The following ANO10 variants were observed in gnomAD, a reference collection of about 807,000 sequenced individuals.
ANO10 encodes anoctamin-10.
A neutral mutation model predicts 74.7 loss-of-function variants in ANO10; 77 were observed. The ratio of observed to expected loss-of-function variants is 1.03; its 90% confidence interval spans 0.86 to 1.25. The LOEUF is 1.25. Among genes scored for constraint, ANO10 ranks in the 50% most tolerant of loss-of-function variants. ANO10 has a pLI of 0.00. For missense variants in ANO10, 721 were observed against 778.1 expected (o/e 0.93, Z 0.87); for synonymous variants, 279 against 284.9 (o/e 0.98, Z 0.21).
intron 9 of ANO10, among the ~76,000 whole-genome samples, chr3:43,560,755 T>C (rs1004275769): frequency 2.6e-5 from 4 of 152,220 alleles, no homozygotes; most frequent in African/African-American, 9.6e-5. Context: ...AAAGAACTGT[T>C]TTATATTTAT....
At chr3:43,388,740 G>C (rs530968321) in intron 12 of ANO10, among the ~76,000 whole-genome samples, 1 of 152,284 alleles carries the variant, frequency 6.6e-6, no homozygotes, top group South Asian at 2.1e-4. Context: ...AATTCACAAA[G>C]AGGATAAAGG....
chr3:43,451,070 C>T (rs750125261), intron 11 of ANO10, among the ~76,000 whole-genome samples: 4 of 152,166 alleles, frequency 2.6e-5, no homozygotes, highest in Non-Finnish European at 5.9e-5. Flanking sequence ...TTTATAATGT[C>T]GAGATTACTT....
intron 11 of ANO10, among the ~76,000 whole-genome samples, chr3:43,508,846 T>C (rs1370302970): frequency 6.7e-6 from 1 of 148,646 alleles, no homozygotes; most frequent in Non-Finnish European, 1.5e-5. Flanking sequence ...CTAATGTAAA[T>C]GACGAGTTAA....
rs569381177 is a variant in ANO10 at position 43,563,208 on chromosome 3, T to C, written c.1294-1806A>G. Among the ~76,000 whole-genome samples, 6 of 152,180 alleles carry C rather than the reference T, an allele frequency of 3.9e-5. No homozygotes were observed. The East Asian group carries it at 1.2e-3, about 29-fold the overall frequency. On this transcript the variant is annotated intron_variant, in intron 8 of 12. Transcript: ENST00000292246. ...AGACATTTACATAGCCACAGGTATATGAAAAAATACTCAACACCACTCATC... is the reference window on the plus strand; with the variant it reads ...AGACATTTACATAGCCACAGGTATACGAAAAAATACTCAACACCACTCATC...
At chr3:43,444,314 G>T (rs1326309434) in intron 11 of ANO10, among the ~76,000 whole-genome samples, 1 of 152,190 alleles carries the variant, frequency 6.6e-6, no homozygotes, top group African/African-American at 2.4e-5. Context: ...CTCATTCAGA[G>T]CCACATTTCA....
intron 7 of ANO10, among the ~76,000 whole-genome samples, chr3:43,570,773 G>A (rs2080663517): frequency 1.4e-5 from 2 of 143,306 alleles, no homozygotes; most frequent in South Asian, 4.7e-4. Flanking sequence ...CATAGGCATG[G>A]GCAAGGACTT....
intron 2 of ANO10, among the ~76,000 whole-genome samples, chr3:43,602,362 G>A (rs1242147603): frequency 6.6e-6 from 1 of 152,126 alleles, no homozygotes; most frequent in Admixed American, 6.5e-5. Context: ...TTTTGAGACA[G>A]TGTCTCACTC....
At chr3:43,684,904 G>T (rs1427935262) in intron 1 of ANO10, among the ~76,000 whole-genome samples, 1 of 152,180 alleles carries the variant, frequency 6.6e-6, no homozygotes, top group Non-Finnish European at 1.5e-5. Context: ...ATGCAGGAAG[G>T]GGAACATCAC....
At chr3:43,456,850 C>T (rs2075151965) in intron 11 of ANO10, among the ~76,000 whole-genome samples, 1 of 152,170 alleles carries the variant, frequency 6.6e-6, no homozygotes, top group Non-Finnish European at 1.5e-5. Context: ...AAGTGGATAG[C>T]AGTGTTCTTA....
intron 2 of ANO10, among the ~76,000 whole-genome samples, chr3:43,605,328 A>G (rs906725879): frequency 3.3e-5 from 5 of 152,146 alleles, no homozygotes; most frequent in Admixed American, 3.3e-4. Flanking sequence ...GCAGGAAGAG[A>G]CCATATTTAT....
chr3:43,682,775 C>T (rs1156774536), intron 1 of ANO10, among the ~76,000 whole-genome samples: 1 of 152,200 alleles, frequency 6.6e-6, no homozygotes, highest in Non-Finnish European at 1.5e-5. Flanking sequence ...GCTAGTTCAA[C>T]ATACGCAAAT....
Position 43,479,235 on chromosome 3 carries a change from A to G in ANO10, c.1798-46508T>C, listed in dbSNP as rs149545283. ...GGCCTAATTGTATAAAAGCTGTATC[A>G]TGTCTCATGTGGTAAAAACACACAG... On this transcript the variant is annotated intron_variant, in intron 11 of 12. Coordinates refer to ENST00000292246, the MANE Select transcript of ANO10 (RefSeq NM_018075.5). Among the ~76,000 whole-genome samples the G allele has an allele frequency of 6.4e-4, 98 of 152,364 alleles. 2 individuals carry two copies. The South Asian group carries it at 0.01, about 16-fold the overall frequency.
chr3:43,514,222 CCTAA>C (rs2077621985), intron 11 of ANO10, among the ~76,000 whole-genome samples: 1 of 151,808 alleles, frequency 6.6e-6, no homozygotes, highest in Non-Finnish European at 1.5e-5. Context: ...AAATACAAGA[CCTAA>C]TGATATGTTG....
rs145306413 is a variant in ANO10 at position 43,442,230 on chromosome 3, T to C, written c.1798-9503A>G. Among the ~76,000 whole-genome samples the C allele has an allele frequency of 2.0e-3, 309 of 152,012 alleles. 1 individual carries two copies. The highest frequency in any genetic ancestry group is 2.5e-3 in the Non-Finnish European group (170 of 67,976). ...TATCCAAATTGGAAAGTAGTAAAAT[T>C]ATATCTGTTTGTGGATTACATTATT... On this transcript the variant is annotated intron_variant, in intron 11 of 12. Coordinates refer to ENST00000292246, the MANE Select transcript of ANO10 (RefSeq NM_018075.5).
chr3:43,406,957 G>A (rs2092587158), intron 12 of ANO10, among the ~76,000 whole-genome samples: 2 of 150,746 alleles, frequency 1.3e-5, no homozygotes, highest in South Asian at 4.2e-4. Context: ...AGGCTGCAGT[G>A]CAGTGGCATG....
At chr3:43,529,174 C>T (rs2078343351) in intron 11 of ANO10, among the ~76,000 whole-genome samples, 1 of 152,152 alleles carries the variant, frequency 6.6e-6, no homozygotes, top group Admixed American at 6.6e-5. Flanking sequence ...GGAAGGAAAG[C>T]AGATTCACAT....
At chr3:43,602,895 T>C (rs1375761965) in intron 2 of ANO10, among the ~76,000 whole-genome samples, 1 of 152,208 alleles carries the variant, frequency 6.6e-6, no homozygotes, top group Non-Finnish European at 1.5e-5. Context: ...TCAAATAACA[T>C]GCTTATAGAG....
chr3:43,509,657 A>C (rs1374720886), intron 11 of ANO10, among the ~76,000 whole-genome samples: 1 of 152,248 alleles, frequency 6.6e-6, no homozygotes, highest in Non-Finnish European at 1.5e-5. Flanking sequence ...ATAAAACTCA[A>C]CATGCAATTA....
intron 11 of ANO10, among the ~76,000 whole-genome samples, chr3:43,475,479 G>A (rs187421961): frequency 1.3e-5 from 2 of 152,100 alleles, no homozygotes; most frequent in Admixed American, 1.3e-4. Flanking sequence ...AAAAGGGGAG[G>A]CTTTATCCAC....
Sources: gnomAD v4.1 joint callset for allele counts (sites outside exome capture counted in the v4.1 genomes callset) on GRCh38, gnomAD v4.1.1 for gene constraint, MANE v1.5 for transcripts, NCBI Gene and HGNC (gene_info 2026-07-23, HGNC 2026-07-21) for gene names.